PARVB: variants seen among roughly 807,000 people sequenced by gnomAD.
PARVB encodes the protein parvin beta.
Under a neutral mutation model 47.0 loss-of-function variants are expected in PARVB, and 46 were observed. The ratio of observed to expected loss-of-function variants is 0.98; its 90% CI spans 0.77 to 1.25. PARVB has a LOEUF of 1.25. Ranked by LOEUF, PARVB falls within the 50% of genes most tolerant of loss-of-function variation. The pLI is 0.00. For missense variants in PARVB, 473 were observed against 471.6 expected (o/e 1.00, Z -0.03); for synonymous variants, 196 against 196.3 (o/e 1.00, Z 0.01).
intron 1 of PARVB, among the ~76,000 whole-genome samples, chr22:44,076,710 T>C (rs1227570226): frequency 6.6e-6 from 1 of 151,736 alleles, no homozygotes; most frequent in African/African-American, 2.4e-5. Flanking sequence ...CACCGTGAGA[T>C]AGATAAGCCA....
At chr22:44,064,534 G>A (rs985672328) in intron 1 of PARVB, among the ~76,000 whole-genome samples, 5 of 152,142 alleles carry the variant, frequency 3.3e-5, no homozygotes, top group Non-Finnish European at 5.9e-5. Context: ...AGGAGAGGTC[G>A]TTGGCCTTAA....
chr22:44,097,878 C>T (rs1014064912), intron 2 of PARVB, among the ~76,000 whole-genome samples: 1 of 152,210 alleles, frequency 6.6e-6, no homozygotes. Flanking sequence ...TTCACAGTCT[C>T]TGGGTCAGAC....
At chr22:44,015,102 T>C (rs2050561844) in intron 2 of PARVB, among the ~76,000 whole-genome samples, 1 of 151,944 alleles carries the variant, frequency 6.6e-6, no homozygotes, top group Non-Finnish European at 1.5e-5. Context: ...TGGCCTGCCT[T>C]GGCCTCCCAA....
chr22:44,069,149 C>A, intron 1 of PARVB: 1 of 1,612,580 alleles, frequency 6.2e-7, no homozygotes, highest in Middle Eastern at 1.7e-4. Flanking sequence ...CCGCCAGCTG[C>A]ACCCTCCTCG....
chr22:44,092,850 G>C (rs1302510128), intron 1 of PARVB, among the ~76,000 whole-genome samples: 1 of 152,236 alleles, frequency 6.6e-6, no homozygotes, highest in Admixed American at 6.5e-5. Flanking sequence ...CGCTGTGGAG[G>C]CTGGATGTCC....
At chr22:44,054,416 A>G (rs541726134) in intron 1 of PARVB, among the ~76,000 whole-genome samples, 1 of 152,182 alleles carries the variant, frequency 6.6e-6, no homozygotes, top group Admixed American at 6.5e-5. Context: ...AGGTCTTGCT[A>G]TGTTGCCCAG....
chr22:44,115,112 T>G, intron 3 of PARVB: 1 of 70,626 alleles, frequency 1.4e-5, no homozygotes, highest in Non-Finnish European at 2.7e-5. Flanking sequence ...ACGGATACAT[T>G]GTTACTAAGT....
intron 1 of PARVB, among the ~76,000 whole-genome samples, chr22:44,035,857 A>T (rs5764064): frequency 0.4 from 61,119 of 151,608 alleles, 13,176 homozygotes; most frequent in East Asian, 0.55. Context: ...TCAAGTGGAG[A>T]TAATTAACAT....
At chr22:44,120,314 C>T (rs113479056) in intron 4 of PARVB, among the ~76,000 whole-genome samples, 6 of 152,322 alleles carry the variant, frequency 3.9e-5, no homozygotes, top group East Asian at 1.9e-4. Flanking sequence ...CACACATGAA[C>T]GTTTGTCTCT....
At chr22:44,085,623 T>A (rs16991428) in intron 1 of PARVB, among the ~76,000 whole-genome samples, 12 of 152,348 alleles carry the variant, frequency 7.9e-5, no homozygotes, top group Middle Eastern at 6.8e-3. Flanking sequence ...TTTGCTTTTT[T>A]AAAAAATCTC....
rs904396634 is a variant in PARVB, at chr22:44,136,573, C to A, written c.692+55C>A. The A allele has an allele frequency of 4.1e-6, 6 of 1,446,202 alleles. No individual in the cohort carries two copies. In the East Asian group the frequency reaches 9.1e-5, roughly 22 times the overall value. The allele number at this position is 1,446,202 out of a possible 1,614,324, so 89.6% of individuals were successfully genotyped here. ...GCCCTGCTGCCCCGAGTGAGTGGGA[C>A]CCCAGGCTGCCACTTCAGCCAGGGA... On this transcript the variant is annotated intron_variant, in intron 7 of 12. Transcript: ENST00000338758.
upstream of PARVB, among the ~76,000 whole-genome samples, chr22:44,022,070 C>T (rs1351624002): frequency 6.6e-6 from 1 of 152,128 alleles, no homozygotes; most frequent in Non-Finnish European, 1.5e-5. Context: ...CTGGTGACTT[C>T]ATCTTCACTT....
intron 1 of PARVB, among the ~76,000 whole-genome samples, chr22:44,067,202 T>G (rs2051554502): frequency 6.6e-6 from 1 of 152,186 alleles, no homozygotes; most frequent in East Asian, 1.9e-4. Flanking sequence ...TTGCTTGCAT[T>G]GTGAAATCCC....
chr22:44,001,260 A>G (rs1474376634), intron 2 of PARVB, among the ~76,000 whole-genome samples: 2 of 152,362 alleles, frequency 1.3e-5, no homozygotes, highest in South Asian at 2.1e-4. Flanking sequence ...AGAAAAATCA[A>G]TCAATCAATC....
Position 44,024,391 on chromosome 22 carries a change from G to C in PARVB, c.52G>C (p.Asp18His). 7.9e-7 allele frequency: 1 copy of C among 1,258,362 alleles called. No homozygotes were observed. The highest frequency in any genetic ancestry group is 1.0e-6 in the Non-Finnish European group (1 of 986,204). The allele number at this position is 1,258,362 out of a possible 1,614,324, so 77.9% of individuals were successfully genotyped here. The change falls in exon 1 of 13, where the codon GAC (aspartate) becomes CAC (histidine). Residue 18 changes from aspartate to histidine, a missense_variant. Physicochemically the swap from Asp to His is moderately conservative, Grantham distance 81. Coordinates refer to ENST00000338758, the MANE Select transcript of PARVB (RefSeq NM_013327.5). Reference sequence around the variant, plus strand: ...CCCGCGGCCCCGCAGGATGAAGAAGGACGAGTCGTTCCTGGGCAAGCTGGG... The same window carrying C: ...CCCGCGGCCCCGCAGGATGAAGAAGCACGAGTCGTTCCTGGGCAAGCTGGG... ...PTPRPRRMKK[D>H]ESFLGKLGGT...
intron 4 of PARVB, 64 bp from the exon 5 acceptor site, chr22:44,131,423 T>A (rs2053315910): frequency 6.4e-7 from 1 of 1,572,998 alleles, no homozygotes; most frequent in Admixed American, 1.7e-5. Context: ...ATTACAGGCA[T>A]GAGCCACTGC....
chr22:44,130,246 T>A (rs993880135), intron 4 of PARVB, among the ~76,000 whole-genome samples: 4 of 152,222 alleles, frequency 2.6e-5, no homozygotes, highest in Admixed American at 2.6e-4. Context: ...CAGTGAACCA[T>A]CTCACGATGC....
At chr22:44,076,276 G>C (rs1228205530) in intron 1 of PARVB, among the ~76,000 whole-genome samples, 1 of 152,234 alleles carries the variant, frequency 6.6e-6, no homozygotes, top group African/African-American at 2.4e-5. Flanking sequence ...GCCTGTCCTT[G>C]TAGAGACTGT....
chr22:44,145,246 C>T (rs1026567630), intron 8 of PARVB: 3 of 152,264 alleles, frequency 2.0e-5, no homozygotes, highest in African/African-American at 7.2e-5. Flanking sequence ...GAAAGGGGGT[C>T]GGAGAGGGAA....
Sources: allele counts gnomAD v4.1 joint callset (sites outside exome capture counted in the v4.1 genomes callset), GRCh38; gene constraint gnomAD v4.1.1; transcripts MANE v1.5; gene names NCBI Gene and HGNC (gene_info 2026-07-23, HGNC 2026-07-21).